Variants in GPR65 observed in about 807,000 individuals in gnomAD.
GPR65 encodes the protein T-cell death-associated gene 8 protein.
In GPR65, 2 loss-of-function variants were observed where a neutral mutation model predicts 0.7. That is an observed-to-expected ratio of 2.83 (90% CI 1.16 to 8.92). The LOEUF (loss-of-function observed/expected upper bound fraction) is 8.92, where lower values mean the gene tolerates loss of function less well. Ranked by LOEUF, GPR65 falls within the 30% of genes most tolerant of loss-of-function variation. The probability of loss-of-function intolerance (pLI) is 0.04; values close to 1 mark genes in which losing one functional copy is unlikely to be tolerated. For synonymous variants in GPR65, 128 were observed against 146.5 expected, an observed-to-expected ratio of 0.87 and a Z score of 0.91; for missense variants, 379 against 399.4, an observed-to-expected ratio of 0.95 and a Z score of 0.43.
At position 88,011,738 on chromosome 14, in the gene GPR65, A is replaced by G. The variant is rs1221684968; in HGVS notation, c.891A>G (p.Gly297=). The change falls in exon 2 of 2, where the codon GGA becomes GGG. Residue 297 remains glycine (G), a synonymous_variant. Transcript: ENST00000267549. The part of the protein sequence containing the change: ...PILYCFVTET[G]RYDMWNILKF... Reference sequence around the variant, plus strand: ...TGTACTGTTTTGTAACCGAAACAGGAAGATATGATATGTGGAATATATTAA... The same window carrying G: ...TGTACTGTTTTGTAACCGAAACAGGGAGATATGATATGTGGAATATATTAA... 1 of 1,613,556 alleles carries G rather than the reference A, an allele frequency of 6.2e-7. No homozygotes were observed. The highest frequency in any genetic ancestry group is 8.5e-7 in the Non-Finnish European group (1 of 1,179,562).
At chr14:88,009,596 C>T (rs1372023628) in intron 1 of GPR65, among the ~76,000 whole-genome samples, 1 of 152,014 alleles carries the variant, frequency 6.6e-6, no homozygotes, top group Non-Finnish European at 1.5e-5. Flanking sequence ...CACCAGTAGG[C>T]CTCAGCAGCA....
Position 88,014,211 on chromosome 14 carries a change from T to C in GPR65, c.*2350T>C, listed in dbSNP as rs1195229370. On this transcript the variant is annotated 3_prime_UTR_variant, in exon 2 of 2. Transcript: ENST00000267549. ...GCTGGTGAAAATTGTTCCACCCATATGTAAAAGAACATAGGTTAAGTTGTC... is the reference window on the plus strand; with the variant it reads ...GCTGGTGAAAATTGTTCCACCCATACGTAAAAGAACATAGGTTAAGTTGTC... The C allele has an allele frequency of 6.6e-6, 1 of 152,244 alleles. No homozygotes were observed. Among genetic ancestry groups the C allele is most frequent in the Non-Finnish European group, 1.5e-5 (1 of 68,052 alleles). 9.4% of individuals were successfully genotyped at this position (152,244 alleles called of 1,614,324 possible).
chr14:88,007,980 A>G (rs1297511711), intron 1 of GPR65, among the ~76,000 whole-genome samples: 1 of 152,088 alleles, frequency 6.6e-6, no homozygotes, highest in Non-Finnish European at 1.5e-5. Context: ...AGTTATTTTC[A>G]TAATTAGGTA....
chr14:88,011,231 A>C lies in GPR65; in HGVS notation c.384A>C (p.Arg128Ser). 3 of 1,613,966 alleles carry C rather than the reference A, an allele frequency of 1.9e-6. No individual in the cohort carries two copies. The highest frequency in any genetic ancestry group is 2.5e-6 in the Non-Finnish European group (3 of 1,179,958). Reference sequence around the variant, plus strand: ...TGAAGTTTTTTTTCCTAAGGACAAGAAGATTTGCACTCATGGTCAGCCTGT... The same window carrying C: ...TGAAGTTTTTTTTCCTAAGGACAAGCAGATTTGCACTCATGGTCAGCCTGT... ...YPLKFFFLRT[R>S]RFALMVSLSI... is the part of the protein sequence containing the mutation. Residue 128 changes from arginine to serine, a missense_variant, in exon 2 of 2, where the codon AGA becomes AGC. Transcript: ENST00000267549.
intron 1 of GPR65, among the ~76,000 whole-genome samples, chr14:88,007,627 T>C (rs972689601): frequency 1.1e-4 from 16 of 150,894 alleles, no homozygotes; most frequent in African/African-American, 3.9e-4. Context: ...TCCTCCTTAC[T>C]CATGTGTTTA....
Position 88,011,820 on chromosome 14 carries a change from G to C in GPR65, c.973G>C (p.Val325Leu). 6.3e-7 allele frequency: 1 copy of C among 1,592,322 alleles called. No individual in the cohort carries two copies. The highest frequency in any genetic ancestry group is 8.6e-7 in the Non-Finnish European group (1 of 1,167,442). ...AAGACAAAGAAAACGCATACTTTCT[G>C]TGTCTACAAAAGATACTATGGAATT... ...SQRQRKRILS[V>L]STKDTMELEV... Residue 325 changes from valine (V) to leucine (L), a missense_variant, in exon 2 of 2, where the codon GTG becomes CTG. By Grantham distance (32) the Val-to-Leu change is conservative. Transcript: ENST00000267549.
Position 88,010,897 on chromosome 14 carries a change from T to G in GPR65, c.50T>G (p.Phe17Cys), listed in dbSNP as rs766270553. ...EEQHDLDHYL[F>C]PIVYIFVIIV... Reference sequence around the variant, plus strand: ...CAGCATGACCTGGATCACTATTTGTTTCCCATTGTTTACATCTTTGTGATT... The same window carrying G: ...CAGCATGACCTGGATCACTATTTGTGTCCCATTGTTTACATCTTTGTGATT... Residue 17 changes from phenylalanine (F) to cysteine (C), a missense_variant, in exon 2 of 2, where the codon TTT becomes TGT. By Grantham distance (205) the Phe-to-Cys change is radical. Coordinates refer to ENST00000267549, the MANE Select transcript of GPR65 (RefSeq NM_003608.4). The G allele has an allele frequency of 1.9e-6, 3 of 1,613,080 alleles. No individual in the cohort carries two copies. The South Asian group carries it at 3.3e-5, about 18-fold the overall frequency.
intron 1 of GPR65, among the ~76,000 whole-genome samples, chr14:88,006,797 G>T (rs1887600578): frequency 6.6e-6 from 1 of 152,078 alleles, no homozygotes; most frequent in Admixed American, 6.6e-5. Flanking sequence ...GTGCATCAGA[G>T]TCCCATCCGC....
intron 1 of GPR65, among the ~76,000 whole-genome samples, chr14:88,007,823 A>C (rs1279368897): frequency 9.6e-6 from 1 of 104,378 alleles, no homozygotes; most frequent in Non-Finnish European, 2.0e-5. Flanking sequence ...TGTGTGTGTG[A>C]ATAAGGTCAT....
rs368737132 is a variant in GPR65 at position 88,011,527 on chromosome 14, T to C, written c.680T>C (p.Leu227Pro). The C allele has an allele frequency of 6.8e-6, 11 of 1,613,726 alleles. No homozygotes were observed. The African/African-American group carries it at 1.5e-4, about 22-fold the overall frequency. ...ENKEKKRIIK[L>P]LVSITVTFVL... ...AAGGAAAAGAAGAGAATCATAAAAC[T>C]ACTTGTCAGCATCACAGTTACTTTT... The change falls in exon 2 of 2, where the codon CTA becomes CCA. Residue 227 changes from leucine to proline, a missense_variant. Transcript: ENST00000267549.
At chr14:88,007,671 C>G (rs1567028395) in intron 1 of GPR65, among the ~76,000 whole-genome samples, 1 of 149,872 alleles carries the variant, frequency 6.7e-6, no homozygotes, top group East Asian at 1.9e-4. Context: ...ACATATTAAA[C>G]ATATTTTGTG....
rs1887677388 is a variant in GPR65 at position 88,011,394 on chromosome 14, C to T, written c.547C>T (p.Leu183Phe). Residue 183 changes from leucine (L) to phenylalanine (F), a missense_variant, in exon 2 of 2, where the codon CTC becomes TTC. Leu to Phe is a conservative substitution (Grantham distance 22). Coordinates refer to ENST00000267549, the MANE Select transcript of GPR65 (RefSeq NM_003608.4). ...CCCTTTAGAGAAATGGCAAATCAAC[C>T]TCAACTTGTTCAGGACGTGTACAGG... is the stretch of plus-strand genomic sequence containing the variant. ...KYPLEKWQIN[L>F]NLFRTCTGYA... 1 of 1,614,032 alleles carries T rather than the reference C, an allele frequency of 6.2e-7. No individual in the cohort carries two copies. The highest frequency in any genetic ancestry group is 1.1e-5 in the South Asian group (1 of 91,076).
At position 88,013,741 on chromosome 14, in the gene GPR65, A is replaced by T. The variant is rs1323963691; in HGVS notation, c.*1880A>T. On this transcript the variant is annotated 3_prime_UTR_variant, in exon 2 of 2. Coordinates refer to ENST00000267549, the MANE Select transcript of GPR65 (RefSeq NM_003608.4). Reference sequence around the variant, plus strand: ...AATGTGCCAGACCTGGCCTGGTGGCATGTGCCTGTAATCCCAGCTACTTGG... The same window carrying T: ...AATGTGCCAGACCTGGCCTGGTGGCTTGTGCCTGTAATCCCAGCTACTTGG... 1.3e-5 allele frequency: 2 copies of T among 152,128 alleles called. No homozygotes were observed. Among genetic ancestry groups the T allele is most frequent in the African/African-American group, 4.8e-5 (2 of 41,392 alleles). 9.4% of individuals were successfully genotyped at this position (152,128 alleles called of 1,614,324 possible).
chr14:88,006,032 TA>T (rs964224101), intron 1 of GPR65, among the ~76,000 whole-genome samples: 1 of 152,194 alleles, frequency 6.6e-6, no homozygotes, highest in African/African-American at 2.4e-5. Flanking sequence ...AGTATTCCAC[TA>T]AAATCTCAGA....
intron 1 of GPR65, among the ~76,000 whole-genome samples, chr14:88,007,778 T>C (rs2165570): frequency 0.61 from 90,804 of 147,976 alleles, 28,416 homozygotes; most frequent in East Asian, 0.94. Context: ...TTGCTTATTA[T>C]TCTCTCTGTG....
rs747678359 is a variant in GPR65, at chr14:88,010,808, T to G, written c.-40T>G. 2.2e-6 allele frequency: 3 copies of G among 1,385,432 alleles called. No individual in the cohort carries two copies. The East Asian group carries it at 6.9e-5, about 32-fold the overall frequency. 85.8% of individuals were successfully genotyped at this position (1,385,432 alleles called of 1,614,324 possible). On this transcript the variant is annotated 5_prime_UTR_variant, in exon 2 of 2. Transcript: ENST00000267549. Reference sequence around the variant, plus strand: ...AAGAGACAAGACTTCTCTGTTTACTTTCTAAGAACTAATATAATTGCTACC... The same window carrying G: ...AAGAGACAAGACTTCTCTGTTTACTGTCTAAGAACTAATATAATTGCTACC...
At chr14:88,009,105 G>C (rs963094662) in intron 1 of GPR65, among the ~76,000 whole-genome samples, 1 of 152,070 alleles carries the variant, frequency 6.6e-6, no homozygotes, top group African/African-American at 2.4e-5. Context: ...CAGAGGTTCT[G>C]GATCCCATGT....
chr14:88,012,057 A>C lies in GPR65; in HGVS notation c.*196A>C. The C allele has an allele frequency of 2.1e-6, 1 of 466,756 alleles. No homozygotes were observed. 28.9% of individuals were successfully genotyped at this position (466,756 alleles called of 1,614,324 possible). ...TGCGTTTTATTAAATGATGTATATT[A>C]AACAAAGATCAATATTTTCTTAATG... On this transcript the variant is annotated 3_prime_UTR_variant, in exon 2 of 2. Coordinates refer to ENST00000267549, the MANE Select transcript of GPR65 (RefSeq NM_003608.4).
chr14:88,006,282 C>T (rs1887593015), intron 1 of GPR65, among the ~76,000 whole-genome samples: 1 of 152,154 alleles, frequency 6.6e-6, no homozygotes, highest in Non-Finnish European at 1.5e-5. Context: ...GTGCTAGGAA[C>T]TTTGCTTCAT....
Sources: allele counts gnomAD v4.1 joint callset (sites outside exome capture counted in the v4.1 genomes callset), GRCh38; gene constraint gnomAD v4.1.1; transcripts MANE v1.5; gene names NCBI Gene and HGNC (gene_info 2026-07-23, HGNC 2026-07-21).